The following DENND5A variants were observed in gnomAD, a reference collection of about 807,000 sequenced individuals.
The protein encoded by DENND5A is DENN domain containing 5A.
In DENND5A, 64 loss-of-function variants were observed where a neutral mutation model predicts 140.3. That is an observed-to-expected ratio of 0.46 (90% CI 0.37 to 0.56). The LOEUF (loss-of-function observed/expected upper bound fraction) is 0.56. Among genes scored for constraint, DENND5A ranks in the 20% least tolerant of loss-of-function variants. The pLI, the probability that DENND5A is intolerant of heterozygous loss-of-function variation, is 0.00. For missense variants in DENND5A, 1,292 were observed against 1,593.8 expected, an observed-to-expected ratio of 0.81 and a Z score of 3.22; for synonymous variants, 605 against 607.7, an observed-to-expected ratio of 1.00 and a Z score of 0.07.
intron 1 of DENND5A, among the ~76,000 whole-genome samples, chr11:9,229,274 G>A (rs978978132): frequency 3.9e-5 from 6 of 152,038 alleles, no homozygotes; most frequent in African/African-American, 1.5e-4. Flanking sequence ...TTATCACAGA[G>A]ACCTTGGCCA....
At chr11:9,217,795 G>C (rs1381320510) in intron 1 of DENND5A, among the ~76,000 whole-genome samples, 1 of 152,080 alleles carries the variant, frequency 6.6e-6, no homozygotes, top group Non-Finnish European at 1.5e-5. Flanking sequence ...AACAACAAAA[G>C]AAATTTGGCA....
chr11:9,247,828 T>C (rs1851544426), intron 1 of DENND5A, among the ~76,000 whole-genome samples: 1 of 152,204 alleles, frequency 6.6e-6, no homozygotes, highest in South Asian at 2.1e-4. Context: ...GGAGATTCTC[T>C]ACAGACTCAA....
chr11:9,242,924 C>T (rs1851297354), intron 1 of DENND5A: 2 of 151,106 alleles, frequency 1.3e-5, no homozygotes, highest in Non-Finnish European at 2.9e-5. Context: ...TCTGTCTCTA[C>T]TAAAAATACA....
chr11:9,225,755 C>A (rs577588318), intron 1 of DENND5A, among the ~76,000 whole-genome samples: 1 of 152,224 alleles, frequency 6.6e-6, no homozygotes, highest in East Asian at 1.9e-4. Flanking sequence ...GAGCAAGACT[C>A]TGTCTCAAAA....
intron 15 of DENND5A, 21 bp from the exon 16 acceptor site, chr11:9,147,172 C>T (rs1330987893): frequency 1.2e-6 from 2 of 1,612,706 alleles, no homozygotes; most frequent in African/African-American, 1.3e-5. Flanking sequence ...GGAGGTAATA[C>T]ATCAGTCTCC....
chr11:9,184,929 C>A (rs536209231), intron 5 of DENND5A, among the ~76,000 whole-genome samples: 1 of 152,198 alleles, frequency 6.6e-6, no homozygotes, highest in Non-Finnish European at 1.5e-5. Context: ...CAGTGCCTCA[C>A]GCCTGTAATC....
chr11:9,193,808 C>T lies in DENND5A; in HGVS notation c.950-127G>A. 3 of 805,288 alleles carry T rather than the reference C, an allele frequency of 3.7e-6. No homozygotes were observed. The East Asian group carries it at 8.2e-5, about 22-fold the overall frequency. The allele number at this position is 805,288 out of a possible 1,614,324, so 49.9% of individuals were successfully genotyped here. A position where few individuals can be genotyped will look rare whatever the true frequency, so the allele number is the denominator to read the frequency against. On this transcript the variant is annotated intron_variant, in intron 4 of 22. Transcript: ENST00000328194. ...TAGAAACGATCACGATAAACTTCAG[C>T]TAGGGTATGCTCAATGTGATTCCCT...
intron 18 of DENND5A, 76 bp downstream of exon 18, chr11:9,144,919 T>G: frequency 9.4e-7 from 1 of 1,063,678 alleles, no homozygotes. Flanking sequence ...CCTTGGGAAC[T>G]CCACATACCC....
chr11:9,257,146 A>AT lies in DENND5A; in HGVS notation c.109+7814dup, dbSNP rs747135949. 2.6e-4 allele frequency among the ~76,000 whole-genome samples: 40 copies of AT among 151,738 alleles called. 1 individual carries two copies. The East Asian group carries it at 7.1e-3, about 27-fold the overall frequency. On this transcript the variant is annotated intron_variant, in intron 1 of 22. Coordinates refer to ENST00000328194, the MANE Select transcript of DENND5A (RefSeq NM_015213.4). ...TGTGTCAGCCTCCTGAGTAGCTGGGATTATAGGCACCCACCACCACGCCCG... is the reference window on the plus strand; with the variant it reads ...TGTGTCAGCCTCCTGAGTAGCTGGGATTTATAGGCACCCACCACCACGCCCG...
At chr11:9,243,585 GATAA>G (rs1564936567) in intron 1 of DENND5A, among the ~76,000 whole-genome samples, 6 of 151,970 alleles carry the variant, frequency 3.9e-5, no homozygotes. Context: ...CTTCCTGAAG[GATAA>G]ATATATTTTA....
In DENND5A at chr11:9,206,851, G is replaced by A. The variant is rs558168448; in HGVS notation, c.182-69C>T. On this transcript the variant is annotated intron_variant, in intron 2 of 22. Transcript: ENST00000328194. ...TTAAGTCACAGGGTTATAAATGTCT[G>A]AGCTTGGTAGTCCAGCAAGGTACAG... 6.2e-4 allele frequency: 708 copies of A among 1,133,756 alleles called. 1 individual carries two copies. The highest frequency in any genetic ancestry group is 8.9e-4 in the Non-Finnish European group (669 of 748,980). 70.2% of individuals were successfully genotyped at this position (1,133,756 alleles called of 1,614,324 possible). A position where few individuals can be genotyped will look rare whatever the true frequency, so the allele number is the denominator to read the frequency against.
At chr11:9,140,969 A>G (rs1207248516) in intron 22 of DENND5A, among the ~76,000 whole-genome samples, 1 of 152,130 alleles carries the variant, frequency 6.6e-6, no homozygotes. Flanking sequence ...TCTACTAACA[A>G]TACAAAACTA....
chr11:9,192,623 G>T, intron 5 of DENND5A, among the ~76,000 whole-genome samples: 1 of 140,872 alleles, frequency 7.1e-6, no homozygotes, highest in Non-Finnish European at 1.5e-5. Context: ...GCGAGACTTC[G>T]TCTCAAAAAA....
At chr11:9,161,067 G>A (rs1037245472) in intron 11 of DENND5A, among the ~76,000 whole-genome samples, 1 of 152,182 alleles carries the variant, frequency 6.6e-6, no homozygotes, top group Non-Finnish European at 1.5e-5. Flanking sequence ...GTTAAGAAAG[G>A]CCAGGTGTGG....
chr11:9,172,555 C>A (rs191575640), intron 8 of DENND5A, among the ~76,000 whole-genome samples: 10 of 152,246 alleles, frequency 6.6e-5, no homozygotes, highest in African/African-American at 2.4e-4. Flanking sequence ...GCTATTCTCG[C>A]GATAGTGAGT....
chr11:9,215,842 G>A (rs1850071452), intron 1 of DENND5A, among the ~76,000 whole-genome samples: 1 of 152,058 alleles, frequency 6.6e-6, no homozygotes, highest in South Asian at 2.1e-4. Flanking sequence ...GAGCCACCGC[G>A]CCTGGCCGTT....
chr11:9,161,929 TTA>T (rs376177231), intron 11 of DENND5A, among the ~76,000 whole-genome samples: 49 of 148,332 alleles, frequency 3.3e-4, no homozygotes, highest in Non-Finnish European at 2.7e-4. Context: ...CTCTATTAAA[TTA>T]TATATATATA....
chr11:9,224,185 T>G (rs1850439171), intron 1 of DENND5A, among the ~76,000 whole-genome samples: 1 of 152,078 alleles, frequency 6.6e-6, no homozygotes, highest in Non-Finnish European at 1.5e-5. Flanking sequence ...AGAGCAAGAC[T>G]CCATCTCAAA....
intron 19 of DENND5A, among the ~76,000 whole-genome samples, chr11:9,143,765 G>C (rs1335366462): frequency 2.6e-5 from 4 of 152,240 alleles, no homozygotes; most frequent in Non-Finnish European, 5.9e-5. Flanking sequence ...CCAAAAGAGA[G>C]CCAAGCCTTG....
Sources: allele counts gnomAD v4.1 joint callset (sites outside exome capture counted in the v4.1 genomes callset), GRCh38; gene constraint gnomAD v4.1.1; transcripts MANE v1.5; gene names NCBI Gene and HGNC (gene_info 2026-07-23, HGNC 2026-07-21).